VTI1A: variants seen among roughly 807,000 people sequenced by gnomAD.
VTI1A encodes vesicle transport through interaction with t-SNAREs 1A, also known as vesicle transport through interaction with t-SNAREs homolog 1A.
VTI1A carries 22 observed loss-of-function variants against 34.9 expected under a neutral mutation model. That is an observed-to-expected ratio of 0.63 (90% confidence interval 0.45 to 0.90). The LOEUF (loss-of-function observed/expected upper bound fraction) is 0.90. VTI1A is among the 40% of genes least tolerant of loss of function. VTI1A has a pLI of 0.00. For missense variants in VTI1A, 268 were observed against 275.6 expected (o/e 0.97, Z 0.20); for synonymous variants, 87 against 97.3 (o/e 0.89, Z 0.62).
intron 5 of VTI1A, among the ~76,000 whole-genome samples, chr10:112,566,998 C>A (rs1400724021): frequency 6.6e-6 from 1 of 151,834 alleles, no homozygotes; most frequent in Non-Finnish European, 1.5e-5. Flanking sequence ...TGTAAGACAC[C>A]TTTTTTGTAT....
intron 7 of VTI1A, among the ~76,000 whole-genome samples, chr10:112,761,855 A>G (rs1025419771): frequency 3.6e-5 from 2 of 55,594 alleles, no homozygotes; most frequent in African/African-American, 2.2e-4. Flanking sequence ...TTGTGTATCT[A>G]TACACGTAGC....
At chr10:112,624,949 T>A (rs966768086) in intron 5 of VTI1A, among the ~76,000 whole-genome samples, 1 of 151,898 alleles carries the variant, frequency 6.6e-6, no homozygotes, top group Non-Finnish European at 1.5e-5. Flanking sequence ...ATTTAAAAAA[T>A]TAGCCAGGCA....
the VTI1A span, among the ~76,000 whole-genome samples, chr10:112,828,630 C>T: frequency 1.3e-5 from 2 of 152,006 alleles, no homozygotes; most frequent in Non-Finnish European, 2.9e-5. Context: ...TGGTCTCGAT[C>T]TCCTGACCTC....
At chr10:112,518,807 G>A (rs968467938) in intron 3 of VTI1A, among the ~76,000 whole-genome samples, 5 of 151,562 alleles carry the variant, frequency 3.3e-5, no homozygotes, top group Admixed American at 6.6e-5. Context: ...TTGATGAAGC[G>A]AAACATCTGA....
chr10:112,688,704 T>TTTGG (rs1848516026), intron 7 of VTI1A, among the ~76,000 whole-genome samples: 1 of 151,494 alleles, frequency 6.6e-6, no homozygotes, highest in African/African-American at 2.4e-5. Context: ...TGTTTGTTTG[T>TTTGG]TTGTTTGTAT....
intron 7 of VTI1A, among the ~76,000 whole-genome samples, chr10:112,743,291 C>G (rs1850762037): frequency 6.6e-6 from 1 of 152,158 alleles, no homozygotes; most frequent in Admixed American, 6.5e-5. Context: ...TTAACTCTTA[C>G]AAAAGATGAA....
At position 112,448,462 on chromosome 10, in the gene VTI1A, G is replaced by A. The variant is rs1303059038; in HGVS notation, c.94+995G>A. 2.0e-5 allele frequency: 3 copies of A among 152,204 alleles called. No homozygotes were observed. In the East Asian group the frequency reaches 5.8e-4, roughly 29 times the overall value. The allele number at this position is 152,204 out of a possible 1,614,324, so 9.4% of individuals were successfully genotyped here. A position where few individuals can be genotyped will look rare whatever the true frequency, so the allele number is the denominator to read the frequency against. On this transcript the variant is annotated intron_variant, in intron 1 of 7. Coordinates refer to ENST00000393077, the MANE Select transcript of VTI1A (RefSeq NM_145206.4). ...GATTTCCTTGGCGTTTACTTATTAG[G>A]GGCTCAGGAAAATAAGTGAATGAGC...
intron 7 of VTI1A, among the ~76,000 whole-genome samples, chr10:112,693,246 C>A (rs1346949364): frequency 6.6e-6 from 1 of 152,228 alleles, no homozygotes; most frequent in East Asian, 1.9e-4. Context: ...GTAAATAATT[C>A]TTTAAAAATA....
chr10:112,696,996 G>A (rs1277565452), intron 7 of VTI1A, among the ~76,000 whole-genome samples: 1 of 152,150 alleles, frequency 6.6e-6, no homozygotes, highest in Non-Finnish European at 1.5e-5. Context: ...AGCAAAAGGT[G>A]ATTGGGAAGG....
chr10:112,565,746 A>C (rs977411270), intron 5 of VTI1A, among the ~76,000 whole-genome samples: 2 of 152,206 alleles, frequency 1.3e-5, no homozygotes, highest in African/African-American at 2.4e-5. Flanking sequence ...AGGACGGGCT[A>C]TCAGTTTTTA....
chr10:112,791,451 C>T (rs527448468), intron 7 of VTI1A, among the ~76,000 whole-genome samples: 1 of 152,258 alleles, frequency 6.6e-6, no homozygotes, highest in Non-Finnish European at 1.5e-5. Flanking sequence ...TAAACCCCAC[C>T]ACCCACTCAT....
chr10:112,518,595 A>C (rs988236092), intron 3 of VTI1A, among the ~76,000 whole-genome samples: 295 of 136,366 alleles, frequency 2.2e-3, no homozygotes, highest in Non-Finnish European at 4.0e-3. Flanking sequence ...CTCTCTATAT[A>C]TATATATATA....
chr10:112,746,888 T>C (rs1047555904), intron 7 of VTI1A, among the ~76,000 whole-genome samples: 1 of 152,216 alleles, frequency 6.6e-6, no homozygotes, highest in Non-Finnish European at 1.5e-5. Flanking sequence ...ATGTTAATAA[T>C]ATTATCATTC....
chr10:112,597,551 T>C (rs1844704136), intron 5 of VTI1A, among the ~76,000 whole-genome samples: 1 of 151,954 alleles, frequency 6.6e-6, no homozygotes, highest in Admixed American at 6.5e-5. Context: ...TCAAAGTAAA[T>C]TTCAACCAAG....
chr10:112,467,325 T>C (rs1847928923), intron 3 of VTI1A, among the ~76,000 whole-genome samples: 1 of 152,092 alleles, frequency 6.6e-6, no homozygotes. Context: ...TAAAGAAAAA[T>C]GGAACCAACA....
At position 112,531,104 on chromosome 10, in the gene VTI1A, C is replaced by CACACACACACGT. The variant is rs1554897018; in HGVS notation, c.342+3940_342+3941insACACACACACGT. Among the ~76,000 whole-genome samples, 4 of 142,494 alleles carry CACACACACACGT rather than the reference C, an allele frequency of 2.8e-5. No homozygotes were observed. In the East Asian group the frequency reaches 9.4e-4, roughly 34 times the overall value. 93.5% of individuals were successfully genotyped at this position (142,494 alleles called of 152,430 possible). ...ACACACACACACACACACACACACACGTGCGCACGTGCGCGCGCGCGCATG... is the reference window on the plus strand; with the variant it reads ...ACACACACACACACACACACACACACACACACACACGTGTGCGCACGTGCGCGCGCGCGCATG... On this transcript the variant is annotated intron_variant, in intron 4 of 7. Coordinates refer to ENST00000393077, the MANE Select transcript of VTI1A (RefSeq NM_145206.4).
At chr10:112,794,985 C>T (rs1852620500) in intron 7 of VTI1A, among the ~76,000 whole-genome samples, 1 of 152,140 alleles carries the variant, frequency 6.6e-6, no homozygotes, top group African/African-American at 2.4e-5. Flanking sequence ...TGCGTTTTCT[C>T]TTCTTTTACA....
chr10:112,850,442 G>C, the VTI1A span, among the ~76,000 whole-genome samples: 3 of 151,812 alleles, frequency 2.0e-5, no homozygotes, highest in Admixed American at 1.3e-4. Flanking sequence ...GTAAAGAAGA[G>C]GGTGAGGGGG....
At chr10:112,605,214 C>T (rs1845030272) in intron 5 of VTI1A, among the ~76,000 whole-genome samples, 1 of 152,194 alleles carries the variant, frequency 6.6e-6, no homozygotes, top group South Asian at 2.1e-4. Flanking sequence ...AGGCCTGGCT[C>T]CTGGGGCAGA....
Sources: gnomAD v4.1 joint callset for allele counts (sites outside exome capture counted in the v4.1 genomes callset) on GRCh38, gnomAD v4.1.1 for gene constraint, MANE v1.5 for transcripts, NCBI Gene and HGNC (gene_info 2026-07-23, HGNC 2026-07-21) for gene names.